SLA2: variants seen among roughly 807,000 people sequenced by gnomAD.
SLA2 encodes src-like-adapter 2.
Under a neutral mutation model 27.3 loss-of-function variants are expected in SLA2, and 22 were observed. That is an observed-to-expected ratio of 0.81 (90% CI 0.58 to 1.15). SLA2 has a LOEUF of 1.15. Ranked by LOEUF, SLA2 falls within the 50% of genes most tolerant of loss-of-function variation. The pLI is 0.00. For missense variants in SLA2, 304 were observed against 322.2 expected (o/e 0.94, Z 0.43); for synonymous variants, 131 against 137.8 (o/e 0.95, Z 0.34).
intron 1 of SLA2, among the ~76,000 whole-genome samples, chr20:36,643,582 C>T (rs1978285350): frequency 6.6e-6 from 1 of 152,170 alleles, no homozygotes. Context: ...CCAGTCCTGT[C>T]TGGGGAGTAA....
intron 5 of SLA2, among the ~76,000 whole-genome samples, chr20:36,627,825 C>T (rs372612468): frequency 6.6e-6 from 1 of 152,156 alleles, no homozygotes; most frequent in Admixed American, 6.5e-5. Context: ...CTTCCTGCTC[C>T]GGACTCTGAT....
chr20:36,640,988 TG>T, intron 2 of SLA2, among the ~76,000 whole-genome samples: 2 of 152,302 alleles, frequency 1.3e-5, no homozygotes, highest in Middle Eastern at 6.8e-3. Context: ...CATGCCCTCC[TG>T]GTTTAATATT....
intron 6 of SLA2, 132 bp from the exon 7 acceptor site, chr20:36,614,569 A>G: frequency 6.9e-7 from 1 of 1,453,734 alleles, no homozygotes; most frequent in South Asian, 1.5e-5. Context: ...CATGAGCCCC[A>G]AGCTATTGGT....
chr20:36,626,405 C>A (rs1176595489), intron 5 of SLA2, among the ~76,000 whole-genome samples: 1 of 149,900 alleles, frequency 6.7e-6, no homozygotes, highest in African/African-American at 2.5e-5. Flanking sequence ...AAAAAAAACA[C>A]ACACAAAAAT....
intron 5 of SLA2, among the ~76,000 whole-genome samples, chr20:36,616,531 C>T (rs1481934284): frequency 6.6e-6 from 1 of 151,978 alleles, no homozygotes; most frequent in African/African-American, 2.4e-5. Flanking sequence ...GACAGGGTTT[C>T]ACCATATTTG....
At chr20:36,614,734 T>C in intron 6 of SLA2, 1 of 985,364 alleles carries the variant, frequency 1.0e-6, no homozygotes, top group South Asian at 4.7e-5. Flanking sequence ...CTCAGTCTAC[T>C]TCTACTCACT....
At chr20:36,622,236 G>C (rs754837299) in intron 5 of SLA2, among the ~76,000 whole-genome samples, 2 of 148,546 alleles carry the variant, frequency 1.3e-5, no homozygotes, top group Admixed American at 6.7e-5. Context: ...AATTAGCTGG[G>C]CATGGTGGCA....
At chr20:36,622,017 A>G (rs1357031144) in intron 5 of SLA2, among the ~76,000 whole-genome samples, 1 of 151,984 alleles carries the variant, frequency 6.6e-6, no homozygotes, top group African/African-American at 2.4e-5. Flanking sequence ...CTCTGTCTCA[A>G]TCAATCAATA....
chr20:36,632,184 C>T (rs1222052945), intron 5 of SLA2, among the ~76,000 whole-genome samples: 1 of 152,150 alleles, frequency 6.6e-6, no homozygotes, highest in East Asian at 1.9e-4. Flanking sequence ...CATCCAAGGC[C>T]TCTGTGCTGG....
intron 5 of SLA2, among the ~76,000 whole-genome samples, chr20:36,630,761 GGCAGCA>G (rs1212248336): frequency 1.3e-5 from 2 of 152,188 alleles, no homozygotes; most frequent in Non-Finnish European, 2.9e-5. Context: ...AGGACTCAGG[GGCAGCA>G]GCTCAGAGGG....
In SLA2 at chr20:36,641,372, G is replaced by A. The variant is rs2039505154; in HGVS notation, c.-37C>T. ...AGAGCACTCAGAAGCACATCATCGAGGGAAATCTGAAAGAGACACAGTGAT... is the reference window on the plus strand; with the variant it reads ...AGAGCACTCAGAAGCACATCATCGAAGGAAATCTGAAAGAGACACAGTGAT... On this transcript the variant is annotated 5_prime_UTR_variant, in exon 2 of 8. Transcript: ENST00000262866. The A allele has an allele frequency of 1.9e-6, 3 of 1,576,912 alleles. No individual in the cohort carries two copies. Among genetic ancestry groups the A allele is most frequent in the Non-Finnish European group, 2.6e-6 (3 of 1,147,032 alleles).
intron 5 of SLA2, among the ~76,000 whole-genome samples, chr20:36,631,118 T>A (rs1243915888): frequency 6.6e-6 from 1 of 152,242 alleles, no homozygotes; most frequent in East Asian, 1.9e-4. Flanking sequence ...TGCCAATGTG[T>A]TGGCTGAGCC....
At chr20:36,615,139 A>C in intron 6 of SLA2, 86 bp downstream of exon 6, 1 of 1,592,018 alleles carries the variant, frequency 6.3e-7, no homozygotes, top group South Asian at 1.1e-5. Flanking sequence ...AATACTCCAC[A>C]GTAGGTAAAA....
rs1555791283 is a variant in SLA2, at chr20:36,612,851, G to GTTATT, written c.*1010_*1014dup. ...CTGCAGTGTGCTAGACTTAAGAGGT[G>GTTATT]TTATTTTTTATTCGGCCACAAGATG... is the stretch of plus-strand genomic sequence containing the variant. On this transcript the variant is annotated 3_prime_UTR_variant, in exon 8 of 8. Coordinates refer to ENST00000262866, the MANE Select transcript of SLA2 (RefSeq NM_032214.4). 6.5e-6 allele frequency: 1 copy of GTTATT among 154,852 alleles called. No homozygotes were observed. Among genetic ancestry groups the GTTATT allele is most frequent in the Non-Finnish European group, 1.4e-5 (1 of 69,720 alleles). The allele number at this position is 154,852 out of a possible 1,614,324, so 9.6% of individuals were successfully genotyped here.
At chr20:36,632,788 A>C in intron 4 of SLA2, 90 bp from the exon 5 acceptor site, 11 of 975,962 alleles carry the variant, frequency 1.1e-5, no homozygotes, top group Non-Finnish European at 1.6e-5. Flanking sequence ...AGTGACCCTC[A>C]CAAGGCCCTC....
intron 5 of SLA2, among the ~76,000 whole-genome samples, chr20:36,618,906 CAAAAAAAAA>C (rs35436767): frequency 9.9e-5 from 4 of 40,368 alleles, no homozygotes; most frequent in South Asian, 1.6e-3. Context: ...AACTCCATCT[CAAAAAAAAA>C]AAAAAAAAAA....
intron 1 of SLA2, among the ~76,000 whole-genome samples, chr20:36,644,759 T>C (rs2148000280): frequency 6.6e-6 from 1 of 152,272 alleles, no homozygotes; most frequent in African/African-American, 2.4e-5. Context: ...CTACAAATTT[T>C]TGAAAAACTT....
chr20:36,638,291 G>A (rs1040074719), intron 2 of SLA2, among the ~76,000 whole-genome samples: 3 of 152,014 alleles, frequency 2.0e-5, no homozygotes, highest in Admixed American at 2.0e-4. Context: ...TGAAAAACTT[G>A]AGATGGGGAA....
At chr20:36,616,227 T>C (rs745966586) in intron 5 of SLA2, among the ~76,000 whole-genome samples, 31 of 152,138 alleles carry the variant, frequency 2.0e-4, no homozygotes, top group Non-Finnish European at 4.1e-4. Context: ...GTCAGTTTTA[T>C]TAGTGCTGCT....
Sources: gnomAD v4.1 joint callset for allele counts (sites outside exome capture counted in the v4.1 genomes callset) on GRCh38, gnomAD v4.1.1 for gene constraint, MANE v1.5 for transcripts, NCBI Gene and HGNC (gene_info 2026-07-23, HGNC 2026-07-21) for gene names.